The following MTARC2 variants were observed in gnomAD, a reference collection of about 807,000 sequenced individuals.
MTARC2 encodes the protein mitochondrial amidoxime reducing component 2, also known as MOCO sulphurase C-terminal domain containing 2.
A neutral mutation model predicts 35.6 loss-of-function variants in MTARC2; 27 were observed. The observed-to-expected ratio is 0.76, with a 90% CI of 0.56 to 1.04. The LOEUF is 1.04. MTARC2 is among the 50% of genes least tolerant of loss of function. MTARC2 has a pLI of 0.00. For missense variants in MTARC2, 412 were observed against 432.5 expected (o/e 0.95, Z 0.42); for synonymous variants, 158 against 167.1 (o/e 0.95, Z 0.42).
chr1:220,748,582 G>A lies in MTARC2; in HGVS notation c.51G>A (p.Arg17=). 6.9e-7 allele frequency: 1 copy of A among 1,456,974 alleles called. No homozygotes were observed. The highest frequency in any genetic ancestry group is 9.0e-7 in the Non-Finnish European group (1 of 1,113,846). The allele number at this position is 1,456,974 out of a possible 1,614,324, so 90.3% of individuals were successfully genotyped here. Residue 17 remains arginine (R), a synonymous_variant, in exon 1 of 8, where the codon CGG becomes CGA. Transcript: ENST00000366913. Reference sequence around the variant, plus strand: ...TGGCCCGCCTCGGCCTCCCAGCCCGGCCCTGGCCCAGGTGGCTCGGGGTCG... The same window carrying A: ...TGGCCCGCCTCGGCCTCCCAGCCCGACCCTGGCCCAGGTGGCTCGGGGTCG... ...SALARLGLPA[R]PWPRWLGVAA...
rs57739324 is a variant in MTARC2 at position 220,769,934 on chromosome 1, C to CAAAAAAAAAAAAA, written c.750+6895_750+6907dup. Among the ~76,000 whole-genome samples, 112 of 63,398 alleles carry CAAAAAAAAAAAAA rather than the reference C, an allele frequency of 1.8e-3. 5 individuals are homozygous for CAAAAAAAAAAAAA. Among genetic ancestry groups the CAAAAAAAAAAAAA allele is most frequent in the South Asian group, 4.1e-3 (5 of 1,234 alleles). The allele number at this position is 63,398 out of a possible 152,430, so 41.6% of individuals were successfully genotyped here. On this transcript the variant is annotated intron_variant, in intron 4 of 7. Coordinates refer to ENST00000366913, the MANE Select transcript of MTARC2 (RefSeq NM_017898.5). ...TGAAACTCCATCTCTACTAAAAATA[C>CAAAAAAAAAAAAA]AAAAAAAAAAAAAAAAAAAAAAATT...
At chr1:220,776,825 T>A (rs150720999) in intron 4 of MTARC2, among the ~76,000 whole-genome samples, 1 of 152,200 alleles carries the variant, frequency 6.6e-6, no homozygotes, top group Non-Finnish European at 1.5e-5. Flanking sequence ...GGAAGATACT[T>A]GGAGAGCCAG....
intron 4 of MTARC2, among the ~76,000 whole-genome samples, chr1:220,764,119 A>T (rs1364965957): frequency 6.7e-6 from 1 of 148,726 alleles, no homozygotes; most frequent in Non-Finnish European, 1.5e-5. Flanking sequence ...TTTGAGAGAG[A>T]GTCTCGCTCT....
At chr1:220,773,788 A>G (rs1671811331) in intron 4 of MTARC2, among the ~76,000 whole-genome samples, 1 of 152,154 alleles carries the variant, frequency 6.6e-6, no homozygotes, top group African/African-American at 2.4e-5. Flanking sequence ...TTGGGATTAT[A>G]CCTCTTATAA....
At position 220,764,758 on chromosome 1, in the gene MTARC2, C is replaced by A. The variant is rs760855604; in HGVS notation, c.750+1708C>A. 4.7e-5 allele frequency among the ~76,000 whole-genome samples: 7 copies of A among 149,346 alleles called. No homozygotes were observed. The Admixed American group carries it at 4.7e-4, about 10-fold the overall frequency. ...CTGCACTCCAGTCTGGGTGACAGAG[C>A]GAGAACCTGTGTATTTAAAAAAAAA... On this transcript the variant is annotated intron_variant, in intron 4 of 7. Coordinates refer to ENST00000366913, the MANE Select transcript of MTARC2 (RefSeq NM_017898.5).
chr1:220,781,729 A>C, intron 6 of MTARC2, 49 bp from the exon 7 acceptor site: 1 of 1,605,828 alleles, frequency 6.2e-7, no homozygotes, highest in Non-Finnish European at 8.5e-7. Context: ...GAATACTTCG[A>C]TTATTATTTC....
rs1672166213 is a variant in MTARC2, at chr1:220,784,669, A to G, written c.*782A>G. 6.6e-6 allele frequency: 1 copy of G among 152,240 alleles called. No individual in the cohort carries two copies. The highest frequency in any genetic ancestry group is 2.4e-5 in the African/African-American group (1 of 41,468). The allele number at this position is 152,240 out of a possible 1,614,324, so 9.4% of individuals were successfully genotyped here. A position where few individuals can be genotyped will look rare whatever the true frequency, so the allele number is the denominator to read the frequency against. On this transcript the variant is annotated 3_prime_UTR_variant, in exon 8 of 8. Transcript: ENST00000366913. ...AGCATGAACATATTTTTTTCAGTGC[A>G]AATAATTTTTTCGTAACAAAGAAAC...
chr1:220,754,208 AG>A (rs1157642991), intron 1 of MTARC2, among the ~76,000 whole-genome samples: 2 of 152,178 alleles, frequency 1.3e-5, no homozygotes, highest in Non-Finnish European at 2.9e-5. Context: ...TGTAGGTAAA[AG>A]CCTAACCAAC....
In MTARC2 at chr1:220,748,605, T is replaced by TC; in HGVS notation, c.75dup (p.Ala26ArgfsTer52). ...CGGCCCTGGCCCAGGTGGCTCGGGG[T>TC]CGCCGCGCTAGGACTGGCCGCCGTG... On this transcript the variant is annotated frameshift_variant, in exon 1 of 8. Transcript: ENST00000366913. LOFTEE classifies it high-confidence loss of function. 1 of 1,451,878 alleles carries TC rather than the reference T, an allele frequency of 6.9e-7. No homozygotes were observed. Among genetic ancestry groups the TC allele is most frequent in the Non-Finnish European group, 9.0e-7 (1 of 1,112,780 alleles). 89.9% of individuals were successfully genotyped at this position (1,451,878 alleles called of 1,614,324 possible).
intron 4 of MTARC2, among the ~76,000 whole-genome samples, chr1:220,775,502 C>G (rs1369202720): frequency 6.6e-6 from 1 of 152,174 alleles, no homozygotes; most frequent in East Asian, 1.9e-4. Flanking sequence ...ATCTTTTTCT[C>G]TACCTATTTA....
chr1:220,781,328 C>T (rs1046117817), intron 6 of MTARC2, among the ~76,000 whole-genome samples: 12 of 152,196 alleles, frequency 7.9e-5, no homozygotes, highest in African/African-American at 2.9e-4. Context: ...AACTTCATGT[C>T]TGTCTGAATT....
intron 2 of MTARC2, among the ~76,000 whole-genome samples, chr1:220,756,030 G>A (rs72472384): frequency 0.014 from 2,077 of 152,302 alleles, 33 homozygotes; most frequent in East Asian, 0.06. Context: ...TTGACTCTGC[G>A]GCCTCTGAAG....
chr1:220,765,661 C>G (rs1409213517), intron 4 of MTARC2, among the ~76,000 whole-genome samples: 1 of 152,180 alleles, frequency 6.6e-6, no homozygotes, highest in Non-Finnish European at 1.5e-5. Context: ...CAGCCTCGAA[C>G]TCCCCAGCTC....
chr1:220,749,068 C>T (rs2102538053), intron 1 of MTARC2, among the ~76,000 whole-genome samples: 1 of 152,312 alleles, frequency 6.6e-6, no homozygotes, highest in South Asian at 2.1e-4. Flanking sequence ...ACCTGTATCT[C>T]CAAGTCTCCT....
At chr1:220,766,556 G>C (rs1343619916) in intron 4 of MTARC2, among the ~76,000 whole-genome samples, 2 of 152,266 alleles carry the variant, frequency 1.3e-5, no homozygotes, top group East Asian at 3.9e-4. Flanking sequence ...TATTTTCTGA[G>C]AAACTTTCTT....
rs1024358891 is a variant in MTARC2, at chr1:220,758,129, C to T, written c.446+3009C>T. The stretch of plus-strand genomic sequence containing the variant: ...CCTCCTGAGTAGCTGGGACTACAGG[C>T]GCACGCCACCACGCCCAGCTAATTT... On this transcript the variant is annotated intron_variant, in intron 2 of 7. Transcript: ENST00000366913. 9.9e-5 allele frequency among the ~76,000 whole-genome samples: 15 copies of T among 151,342 alleles called. No homozygotes were observed. The East Asian group carries it at 2.6e-3, about 26-fold the overall frequency.
chr1:220,770,462 C>T, intron 4 of MTARC2: 1 of 985,388 alleles, frequency 1.0e-6, no homozygotes, highest in Non-Finnish European at 1.2e-6. Context: ...GCACGCTTAT[C>T]GATCCCTTGT....
intron 4 of MTARC2, among the ~76,000 whole-genome samples, chr1:220,767,846 G>C (rs1268618235): frequency 6.6e-6 from 1 of 152,224 alleles, no homozygotes; most frequent in Non-Finnish European, 1.5e-5. Flanking sequence ...CTTACTGGCT[G>C]TGTGGATTGG....
Position 220,748,552 on chromosome 1 carries a change from C to T in MTARC2, c.21C>T (p.Ser7=), listed in dbSNP as rs532177434. The change falls in exon 1 of 8, where the codon TCC becomes TCT. Residue 7 remains serine, a synonymous_variant. Transcript: ENST00000366913. The part of the protein sequence containing the change: MGASSS[S]ALARLGLPAR... ...CTGCCATGGGCGCTTCCAGCTCCTC[C>T]GCGCTGGCCCGCCTCGGCCTCCCAG... The T allele has an allele frequency of 8.9e-5, 128 of 1,433,552 alleles. 1 individual carries two copies. In the African/African-American group the frequency reaches 1.8e-3, roughly 20 times the overall value. The allele number at this position is 1,433,552 out of a possible 1,614,324, so 88.8% of individuals were successfully genotyped here.
Sources: allele counts gnomAD v4.1 joint callset (sites outside exome capture counted in the v4.1 genomes callset), GRCh38; gene constraint gnomAD v4.1.1; transcripts MANE v1.5; gene names NCBI Gene and HGNC (gene_info 2026-07-23, HGNC 2026-07-21).